The following ENTR1 variants were observed in gnomAD, a reference collection of about 807,000 sequenced individuals.
The protein encoded by ENTR1 is endosome associated trafficking regulator 1.
Under a neutral mutation model 47.9 loss-of-function variants are expected in ENTR1, and 47 were observed. The observed-to-expected ratio is 0.98, with a 90% CI of 0.78 to 1.25. ENTR1 has a LOEUF of 1.25. Among genes scored for constraint, ENTR1 ranks in the 50% most tolerant of loss-of-function variants. ENTR1 has a pLI of 0.00. For synonymous variants in ENTR1, 290 were observed against 245.8 expected (o/e 1.18, Z -1.68); for missense variants, 668 against 570.5 (o/e 1.17, Z -1.74).
chr9:136,404,650 T>C lies in ENTR1; in HGVS notation c.1049A>G (p.Gln350Arg), dbSNP rs372635556. 4 of 1,614,028 alleles carry C rather than the reference T, an allele frequency of 2.5e-6. No individual in the cohort carries two copies. The highest frequency in any genetic ancestry group is 1.3e-5 in the African/African-American group (1 of 74,940). The change falls in exon 8 of 10, where the codon CAG becomes CGG. Residue 350 changes from glutamine to arginine, a missense_variant. Gln to Arg is a conservative substitution (Grantham distance 43). Transcript: ENST00000357365. ...AATTACCTGGAGCAAACTGATTTCC[T>C]GTTTTAGTTTCACGACGTGGTTTTC... ...KAENHVVKLK[Q>R]EISLLQAQVS...
In ENTR1 at chr9:136,410,606, G is replaced by C; in HGVS notation, c.-209C>G. ...TGCCTGAACGCCTTGGGCCGTCGGC[G>C]AGGGGGAGGGGAAGCCGTGGGCGGA... On this transcript the variant is annotated 5_prime_UTR_variant, in exon 1 of 10. Coordinates refer to ENST00000357365, the MANE Select transcript of ENTR1 (RefSeq NM_001039707.2). The C allele has an allele frequency of 7.7e-7, 1 of 1,291,734 alleles. No homozygotes were observed. Among genetic ancestry groups the C allele is most frequent in the Non-Finnish European group, 9.9e-7 (1 of 1,014,318 alleles). The allele number at this position is 1,291,734 out of a possible 1,614,324, so 80.0% of individuals were successfully genotyped here.
rs542920450 is a variant in ENTR1 at position 136,407,588 on chromosome 9, A to G, written c.403-27T>C. On this transcript the variant is annotated intron_variant, in intron 4 of 9. Coordinates refer to ENST00000357365, the MANE Select transcript of ENTR1 (RefSeq NM_001039707.2). ...TAAAAAAAAAAAAAAAAAAAAAACA[A>G]TGGAGGCCATGCTTCTGACTCGGAG... is the stretch of plus-strand genomic sequence containing the variant. 1.0e-4 allele frequency: 155 copies of G among 1,515,574 alleles called. No homozygotes were observed. The Admixed American group carries it at 3.5e-3, about 35-fold the overall frequency. 93.9% of individuals were successfully genotyped at this position (1,515,574 alleles called of 1,614,324 possible).
intron 5 of ENTR1, among the ~76,000 whole-genome samples, chr9:136,406,793 T>TC (rs1301133724): frequency 6.6e-6 from 1 of 152,152 alleles, no homozygotes; most frequent in Non-Finnish European, 1.5e-5. Flanking sequence ...TTTTTTTTTT[T>TC]ATTCAGAGCT....
chr9:136,408,817 G>A (rs10870139), intron 3 of ENTR1, among the ~76,000 whole-genome samples, 182 bp downstream of exon 3: 29,854 of 152,026 alleles, frequency 0.2, 3,605 homozygotes, highest in Non-Finnish European at 0.26. Context: ...GGGCTTCCCC[G>A]CTCCCTGATG....
chr9:136,403,819 G>A (rs954905860), intron 9 of ENTR1, among the ~76,000 whole-genome samples: 3 of 152,166 alleles, frequency 2.0e-5, no homozygotes, highest in African/African-American at 7.2e-5. Flanking sequence ...GGGTGCTGTG[G>A]CTGTCTGCAC....
In ENTR1 at chr9:136,402,059, CAGAA is replaced by C. The variant is rs1834514860; in HGVS notation, c.*725_*728del. 6.5e-6 allele frequency: 1 copy of C among 152,752 alleles called. No homozygotes were observed. Among genetic ancestry groups the C allele is most frequent in the South Asian group, 2.1e-4 (1 of 4,834 alleles). 9.5% of individuals were successfully genotyped at this position (152,752 alleles called of 1,614,324 possible). ...TCGCCGTCCCTCTGAGGGGGGCCGT[CAGAA>C]AGGCAACTGGGACCTGACAGACCCG... On this transcript the variant is annotated 3_prime_UTR_variant, in exon 10 of 10. Transcript: ENST00000357365.
chr9:136,408,471 G>A (rs913249773), intron 3 of ENTR1, among the ~76,000 whole-genome samples: 5 of 151,972 alleles, frequency 3.3e-5, no homozygotes, highest in African/African-American at 9.7e-5. Context: ...CCAGCTACTC[G>A]GGAGGCTGAG....
In ENTR1 at chr9:136,405,147, A is replaced by G. The variant is rs1288563334; in HGVS notation, c.949T>C (p.Tyr317His). The G allele has an allele frequency of 9.9e-6, 16 of 1,613,908 alleles. No individual in the cohort carries two copies. The Admixed American group carries it at 2.5e-4, about 25-fold the overall frequency. ...EAKMIKEESD[Y>H]HDLESVVQQV... ...TGAACCACCGACTCCAGGTCGTGGT[A>G]GTCGCTTTCCTCCTTGATCATTTTT... Residue 317 changes from tyrosine to histidine, a missense_variant, in exon 7 of 10, where the codon TAC becomes CAC. By Grantham distance (83) the Tyr-to-His change is moderately conservative. Transcript: ENST00000357365.
At chr9:136,409,828 C>T in intron 2 of ENTR1, 1 of 608,880 alleles carries the variant, frequency 1.6e-6, no homozygotes, top group South Asian at 1.7e-5. Context: ...CCGACTCCAG[C>T]CCCACGAGGA....
intron 5 of ENTR1, among the ~76,000 whole-genome samples, chr9:136,406,579 C>T (rs974902748): frequency 3.9e-5 from 6 of 151,934 alleles, no homozygotes; most frequent in South Asian, 2.1e-4. Context: ...CGGGTTCAAG[C>T]GATTCTCCTG....
intron 6 of ENTR1, 92 bp downstream of exon 6, chr9:136,405,813 G>T: frequency 2.7e-6 from 2 of 741,260 alleles, no homozygotes; most frequent in East Asian, 2.7e-5. Flanking sequence ...CCCAGATCTG[G>T]TTTGACTCTG....
chr9:136,407,737 A>G (rs1280689836), intron 4 of ENTR1, 89 bp downstream of exon 4: 2 of 1,367,738 alleles, frequency 1.5e-6, no homozygotes, highest in East Asian at 4.6e-5. Context: ...CTGCTCTGCC[A>G]CACTCATGCA....
intron 3 of ENTR1, among the ~76,000 whole-genome samples, chr9:136,408,427 A>G (rs945319404): frequency 3.3e-5 from 5 of 151,860 alleles, no homozygotes; most frequent in African/African-American, 1.2e-4. Flanking sequence ...AAATACAAAA[A>G]ATTAGCCAGG....
In ENTR1 at chr9:136,409,015, G is replaced by A. The variant is rs371870194; in HGVS notation, c.273C>T (p.His91=). The part of the protein sequence containing the change: ...KCSKQSPSGA[H]GTHFGDDRFE... ...CTACTCTACCTCCAAAATGTGTCCC[G>A]TGGGCTCCTGACGGGCTCTGCTTAG... The change falls in exon 3 of 10, where the codon CAC becomes CAT. Residue 91 remains histidine (H), a synonymous_variant. Transcript: ENST00000357365. The A allele has an allele frequency of 8.7e-6, 14 of 1,613,692 alleles. No homozygotes were observed. In the Admixed American group the frequency reaches 1.8e-4, roughly 21 times the overall value.
Position 136,405,141 on chromosome 9 carries a change from C to G in ENTR1, c.955G>C (p.Asp319His), listed in dbSNP as rs371552738. The G allele has an allele frequency of 6.2e-7, 1 of 1,613,832 alleles. No individual in the cohort carries two copies. Among genetic ancestry groups the G allele is most frequent in the South Asian group, 1.1e-5 (1 of 91,074 alleles). The change falls in exon 7 of 10, where the codon GAC becomes CAC. Residue 319 changes from aspartate to histidine, a missense_variant. Asp to His is a moderately conservative substitution (Grantham distance 81). Transcript: ENST00000357365. ...ACCTGCTGAACCACCGACTCCAGGT[C>G]GTGGTAGTCGCTTTCCTCCTTGATC... The part of the protein sequence containing the change: ...KMIKEESDYH[D>H]LESVVQQVEQ...
chr9:136,408,636 CCT>C (rs896811216), intron 3 of ENTR1, among the ~76,000 whole-genome samples: 4 of 152,148 alleles, frequency 2.6e-5, no homozygotes, highest in African/African-American at 4.8e-5. Flanking sequence ...CCCAGTGCCC[CCT>C]GACCCTCTTC....
rs1564415312 is a variant in ENTR1, at chr9:136,410,248, A to C, written c.71-9T>G. The C allele has an allele frequency of 1.9e-6, 3 of 1,566,976 alleles. No individual in the cohort carries two copies. The highest frequency in any genetic ancestry group is 2.7e-5 in the African/African-American group (2 of 74,066). ...CTCATAGAACGCTGGAGCTGGAAGC[A>C]ACGACAACAGCGACTTTACTGCGTG... On this transcript the variant is annotated splice_polypyrimidine_tract_variant and intron_variant, in intron 1 of 9. Coordinates refer to ENST00000357365, the MANE Select transcript of ENTR1 (RefSeq NM_001039707.2).
At chr9:136,406,111 T>C in intron 5 of ENTR1, 133 bp from the exon 6 acceptor site, 2 of 519,936 alleles carry the variant, frequency 3.8e-6, no homozygotes, top group Non-Finnish European at 6.7e-6. Flanking sequence ...CTGCAGCCAC[T>C]ACAGAGGGAG....
chr9:136,404,589 C>A, intron 8 of ENTR1, 42 bp downstream of exon 8: 2 of 1,599,006 alleles, frequency 1.3e-6, no homozygotes, highest in Non-Finnish European at 1.7e-6. Flanking sequence ...TATGTGACTC[C>A]ACAAATCAAA....
Sources: allele counts gnomAD v4.1 joint callset (sites outside exome capture counted in the v4.1 genomes callset), GRCh38; gene constraint gnomAD v4.1.1; transcripts MANE v1.5; gene names NCBI Gene and HGNC (gene_info 2026-07-23, HGNC 2026-07-21).